The following LRFN5 variants were observed in gnomAD, a reference collection of about 807,000 sequenced individuals.
LRFN5 encodes the protein leucine rich repeat and fibronectin type III domain containing 5.
In LRFN5, 24 loss-of-function variants were observed where a neutral mutation model predicts 45.6. The ratio of observed to expected loss-of-function variants is 0.53; its 90% confidence interval spans 0.38 to 0.74. The LOEUF (loss-of-function observed/expected upper bound fraction) is 0.74. Ranked by LOEUF, LRFN5 falls within the 30% of genes least tolerant of loss-of-function variation. The pLI is 0.00. For missense variants in LRFN5, 776 were observed against 861.5 expected (o/e 0.90, Z 1.24); for synonymous variants, 340 against 313.8 (o/e 1.08, Z -0.88).
intron 1 of LRFN5, among the ~76,000 whole-genome samples, chr14:41,736,629 A>G (rs1884444687): frequency 6.6e-6 from 1 of 152,164 alleles, no homozygotes; most frequent in Admixed American, 6.6e-5. Flanking sequence ...AAGAAAAGAG[A>G]GAAGAATCAA....
chr14:41,897,089 A>AAATT (rs1890964442), intron 4 of LRFN5, among the ~76,000 whole-genome samples: 1 of 148,478 alleles, frequency 6.7e-6, no homozygotes, highest in African/African-American at 2.5e-5. Context: ...AGACTCTGTC[A>AAATT]AAATAAATAA....
intron 2 of LRFN5, among the ~76,000 whole-genome samples, chr14:41,856,709 T>C (rs1209934855): frequency 3.9e-5 from 4 of 101,404 alleles, no homozygotes; most frequent in Admixed American, 2.3e-4. Flanking sequence ...CGGAGTCTCG[T>C]TCTGTCGCCC....
chr14:41,673,575 AC>A (rs1228293593), intron 1 of LRFN5, among the ~76,000 whole-genome samples: 53 of 104,968 alleles, frequency 5.0e-4, no homozygotes, highest in Admixed American at 5.4e-4. Context: ...GCAGGGGGTG[AC>A]CCCCCCCACC....
chr14:41,727,255 C>T (rs904687393), intron 1 of LRFN5, among the ~76,000 whole-genome samples: 10 of 152,056 alleles, frequency 6.6e-5, no homozygotes, highest in East Asian at 1.9e-4. Context: ...CTATCTTAAA[C>T]GACAGTTAGT....
chr14:41,787,577 C>T (rs1199368088), intron 2 of LRFN5, among the ~76,000 whole-genome samples: 1 of 151,326 alleles, frequency 6.6e-6, no homozygotes, highest in Non-Finnish European at 1.5e-5. Flanking sequence ...GAGGTAGAAG[C>T]AGAAATCTCT....
intron 1 of LRFN5, among the ~76,000 whole-genome samples, chr14:41,611,453 A>T (rs1887752850): frequency 2.0e-5 from 3 of 152,192 alleles, no homozygotes; most frequent in African/African-American, 7.2e-5. Context: ...TTGATGAGTT[A>T]ACACTTCAGG....
chr14:41,682,283 C>T (rs1454532707), intron 1 of LRFN5, among the ~76,000 whole-genome samples: 2 of 151,714 alleles, frequency 1.3e-5, no homozygotes, highest in East Asian at 1.9e-4. Flanking sequence ...ATGACAACAA[C>T]GACTTGTCAA....
At chr14:41,697,863 A>G (rs1760104198) in intron 1 of LRFN5, among the ~76,000 whole-genome samples, 1 of 151,962 alleles carries the variant, frequency 6.6e-6, no homozygotes, top group African/African-American at 2.4e-5. Flanking sequence ...TCATAGATAT[A>G]GTGAGTTATT....
At chr14:41,711,436 A>G (rs917057633) in intron 1 of LRFN5, among the ~76,000 whole-genome samples, 2 of 152,140 alleles carry the variant, frequency 1.3e-5, no homozygotes, top group Non-Finnish European at 2.9e-5. Context: ...CTGGAGAGTA[A>G]CATCTTACTG....
At chr14:41,783,158 G>A (rs1479375866) in intron 2 of LRFN5, among the ~76,000 whole-genome samples, 1 of 152,098 alleles carries the variant, frequency 6.6e-6, no homozygotes, top group Admixed American at 6.6e-5. Flanking sequence ...CCTGCCAGAA[G>A]CCTATGGGGA....
intron 1 of LRFN5, among the ~76,000 whole-genome samples, chr14:41,712,587 G>A (rs1424821258): frequency 2.0e-5 from 3 of 152,060 alleles, no homozygotes; most frequent in African/African-American, 7.2e-5. Flanking sequence ...ATCAAAAATA[G>A]CCAAGACATA....
intron 2 of LRFN5, among the ~76,000 whole-genome samples, chr14:41,834,719 T>TGGCACAATCAAGGCTTACTGCAGC (rs1310121604): frequency 2.0e-5 from 3 of 151,970 alleles, no homozygotes; most frequent in African/African-American, 7.3e-5. Context: ...TGGAGTGCAG[T>TGGCACAATCAAGGCTTACTGCAGC]GGCACAATCA....
intron 1 of LRFN5, among the ~76,000 whole-genome samples, chr14:41,685,251 A>G (rs1882069882): frequency 6.6e-6 from 1 of 152,174 alleles, no homozygotes; most frequent in Non-Finnish European, 1.5e-5. Context: ...CCCCAAAAAA[A>G]CTAAAAATAG....
chr14:41,821,810 G>GT (rs1393153938), intron 2 of LRFN5, among the ~76,000 whole-genome samples: 1 of 150,878 alleles, frequency 6.6e-6, no homozygotes, highest in Non-Finnish European at 1.5e-5. Flanking sequence ...GGGGAGATTT[G>GT]TTTTTTAATT....
intron 2 of LRFN5, among the ~76,000 whole-genome samples, chr14:41,783,100 G>A (rs184850409): frequency 6.6e-6 from 1 of 151,244 alleles, no homozygotes; most frequent in Non-Finnish European, 1.5e-5. Context: ...GGGCTTCCTT[G>A]TGGAGAAAAA....
In LRFN5 at chr14:41,887,798, T is replaced by C; in HGVS notation, c.1173T>C (p.Asp391=). The change falls in exon 3 of 6, where the codon GAT becomes GAC. Residue 391 remains aspartate, a synonymous_variant. Coordinates refer to ENST00000298119, the MANE Select transcript of LRFN5 (RefSeq NM_152447.5). This position sits in a 1 kb window ranked among gnomAD's most constrained non-coding sequence, Gnocchi z 4.8. ...LNSTNHIHEP[D]PGSSDISTST... is the part of the protein sequence containing the mutation. ...GTACAAACCATATCCATGAGCCTGATCCTGGTTCTTCAGATATCTCAACTT... is the reference window on the plus strand; with the variant it reads ...GTACAAACCATATCCATGAGCCTGACCCTGGTTCTTCAGATATCTCAACTT... 1 of 1,613,994 alleles carries C rather than the reference T, an allele frequency of 6.2e-7. No homozygotes were observed. Among genetic ancestry groups the C allele is most frequent in the East Asian group, 2.2e-5 (1 of 44,862 alleles).
At chr14:41,660,728 G>A (rs1281813714) in intron 1 of LRFN5, among the ~76,000 whole-genome samples, 1 of 151,812 alleles carries the variant, frequency 6.6e-6, no homozygotes, top group African/African-American at 2.4e-5. Context: ...AGTATTGGAT[G>A]TGACTTGGGA....
intron 1 of LRFN5, among the ~76,000 whole-genome samples, chr14:41,661,679 G>T (rs571035517): frequency 6.6e-6 from 1 of 152,088 alleles, no homozygotes; most frequent in Admixed American, 6.6e-5. Flanking sequence ...GTGATGTGGA[G>T]CACAGAGAGA....
At chr14:41,684,275 T>A (rs1291421061) in intron 1 of LRFN5, among the ~76,000 whole-genome samples, 6 of 152,154 alleles carry the variant, frequency 3.9e-5, no homozygotes, top group Non-Finnish European at 2.9e-5. Context: ...GCTGTATTAT[T>A]CCATTTTCAC....
Sources: allele counts gnomAD v4.1 joint callset (sites outside exome capture counted in the v4.1 genomes callset), GRCh38; gene constraint gnomAD v4.1.1; non-coding constraint Gnocchi (gnomAD v3.1); transcripts MANE v1.5; gene names NCBI Gene and HGNC (gene_info 2026-07-23, HGNC 2026-07-21).